Variants in ZDHHC9 observed in about 807,000 individuals in gnomAD.
The protein encoded by ZDHHC9 is palmitoyltransferase ZDHHC9.
In ZDHHC9, 3 loss-of-function variants were observed where a neutral mutation model predicts 26.6. The observed-to-expected ratio is 0.11, with a 90% CI of 0.05 to 0.29. The LOEUF (loss-of-function observed/expected upper bound fraction) is 0.29. ZDHHC9 is among the 10% of genes least tolerant of loss of function. ZDHHC9 has a pLI of 1.00. For missense variants in ZDHHC9, 146 were observed against 296.4 expected, an observed-to-expected ratio of 0.49 and a Z score of 3.73; for synonymous variants, 111 against 109.4, an observed-to-expected ratio of 1.01 and a Z score of -0.09.
At chrX:129,814,335 G>A (rs958794556) in intron 6 of ZDHHC9, among the ~76,000 whole-genome samples, 1 of 112,014 alleles carries the variant, frequency 8.9e-6, no homozygotes, top group Non-Finnish European at 1.9e-5. Context: ...GGCAGAAGAA[G>A]AGAGGATGCT....
At chrX:129,828,695 C>T (rs139051069) in intron 4 of ZDHHC9, among the ~76,000 whole-genome samples, 2,350 of 110,853 alleles carry the variant, frequency 0.021, 53 homozygotes, top group African/African-American at 0.063. Context: ...GACCACCTCC[C>T]CCAAAAAAGT....
intron 4 of ZDHHC9, among the ~76,000 whole-genome samples, chrX:129,825,013 C>G (rs1459189645): frequency 8.9e-6 from 1 of 111,847 alleles, no homozygotes; most frequent in Non-Finnish European, 1.9e-5. Context: ...TGGAAAAAAA[C>G]AGAATAGGGC....
chrX:129,824,085 TA>T (rs1161086038), intron 4 of ZDHHC9, among the ~76,000 whole-genome samples: 1 of 112,044 alleles, frequency 8.9e-6, no homozygotes, highest in Non-Finnish European at 1.9e-5. Flanking sequence ...AACATTCATT[TA>T]AAAAAATAGC....
chrX:129,819,842 CAT>C (rs1927842904), intron 5 of ZDHHC9, among the ~76,000 whole-genome samples: 2 of 110,508 alleles, frequency 1.8e-5, no homozygotes, highest in Admixed American at 1.9e-4. Context: ...ATTACAGGCA[CAT>C]GTCACCACGT....
Position 129,804,139 on chromosome X carries a change from G to A in ZDHHC9, c.*2231C>T, listed in dbSNP as rs1412064053. 2 of 111,864 alleles carry A rather than the reference G, an allele frequency of 1.8e-5. No homozygotes were observed. Among genetic ancestry groups the A allele is most frequent in the Non-Finnish European group, 3.8e-5 (2 of 53,172 alleles). 9.2% of individuals were successfully genotyped at this position (111,864 alleles called of 1,213,427 possible). A position where few individuals can be genotyped will look rare whatever the true frequency, so the allele number is the denominator to read the frequency against. ...GTCCTCAGGAGAACACTTGAGGTAA[G>A]GTGAGGGAGGAGAGAGAGCCATCTG... On this transcript the variant is annotated 3_prime_UTR_variant, in exon 11 of 11. Coordinates refer to ENST00000357166, the MANE Select transcript of ZDHHC9 (RefSeq NM_016032.4).
At chrX:129,812,338 G>T (rs2124102773) in intron 8 of ZDHHC9, among the ~76,000 whole-genome samples, 1 of 112,600 alleles carries the variant, frequency 8.9e-6, no homozygotes, top group South Asian at 3.6e-4. Flanking sequence ...GCCCGCCTCA[G>T]CCTCCCAAAG....
intron 4 of ZDHHC9, among the ~76,000 whole-genome samples, chrX:129,828,113 G>A (rs142146715): frequency 0.013 from 1,456 of 111,539 alleles, 23 homozygotes; most frequent in African/African-American, 0.042. Flanking sequence ...CACAGCGCCC[G>A]GCCTAAAGCA....
chrX:129,817,932 G>A (rs890546474), intron 5 of ZDHHC9, among the ~76,000 whole-genome samples: 2 of 111,560 alleles, frequency 1.8e-5, no homozygotes, highest in African/African-American at 3.3e-5. Context: ...GAACACTGGC[G>A]TACAAGTAGG....
intron 5 of ZDHHC9, among the ~76,000 whole-genome samples, chrX:129,817,278 C>T (rs1324089117): frequency 9.0e-6 from 1 of 110,692 alleles, no homozygotes; most frequent in Non-Finnish European, 1.9e-5. Flanking sequence ...TGGTGAAACC[C>T]CATCTCTACC....
At chrX:129,835,635 T>G (rs1382375558) in intron 3 of ZDHHC9, among the ~76,000 whole-genome samples, 1 of 108,956 alleles carries the variant, frequency 9.2e-6, no homozygotes, top group Non-Finnish European at 1.9e-5. Flanking sequence ...AATACAAAAT[T>G]AGCAAGGCGT....
Position 129,803,768 on chromosome X carries a change from C to A in ZDHHC9, c.*2602G>T, listed in dbSNP as rs918122797. On this transcript the variant is annotated 3_prime_UTR_variant, in exon 11 of 11. Transcript: ENST00000357166. ...GAGGTTTGGGATCAGTGCCAACCAT[C>A]CTGGCCTGGGAAAGTAGGGTGCATA... 9 of 111,975 alleles carry A rather than the reference C, an allele frequency of 8.0e-5. No individual in the cohort carries two copies. Among genetic ancestry groups the A allele is most frequent in the African/African-American group, 2.6e-4 (8 of 30,776 alleles). The allele number at this position is 111,975 out of a possible 1,213,427, so 9.2% of individuals were successfully genotyped here. A position where few individuals can be genotyped will look rare whatever the true frequency, so the allele number is the denominator to read the frequency against.
intron 5 of ZDHHC9, among the ~76,000 whole-genome samples, chrX:129,819,172 C>CAAA (rs10555509): frequency 6.9e-4 from 25 of 36,075 alleles, no homozygotes; most frequent in African/African-American, 2.0e-3. Context: ...GCCTCCGTCT[C>CAAA]AAAAAAAAAA....
intron 4 of ZDHHC9, among the ~76,000 whole-genome samples, chrX:129,825,046 T>C (rs895986565): frequency 3.6e-5 from 4 of 112,224 alleles, no homozygotes; most frequent in Admixed American, 9.4e-5. Flanking sequence ...CTCACGCCTG[T>C]AATCCCAGCA....
At chrX:129,809,208 C>A (rs1411252223) in intron 10 of ZDHHC9, among the ~76,000 whole-genome samples, 1 of 111,719 alleles carries the variant, frequency 9.0e-6, no homozygotes, top group Non-Finnish European at 1.9e-5. Flanking sequence ...CTATTTTACT[C>A]CCAGGTATAT....
At chrX:129,822,068 A>G (rs1927900520) in intron 5 of ZDHHC9, among the ~76,000 whole-genome samples, 1 of 111,831 alleles carries the variant, frequency 8.9e-6, no homozygotes, top group Non-Finnish European at 1.9e-5. Context: ...ATCCAGTACC[A>G]GAAATACCAT....
intron 8 of ZDHHC9, among the ~76,000 whole-genome samples, chrX:129,812,191 C>T (rs1006120786): frequency 2.1e-4 from 23 of 110,574 alleles, no homozygotes; most frequent in African/African-American, 6.9e-4. Context: ...TCAAGTGATT[C>T]TCCTGCCTCA....
Position 129,817,384 on chromosome X carries a change from G to A in ZDHHC9, c.488-2589C>T, listed in dbSNP as rs182884938. Among the ~76,000 whole-genome samples the A allele has an allele frequency of 3.9e-4, 43 of 110,020 alleles. No individual in the cohort carries two copies. In the East Asian group the frequency reaches 5.8e-3, roughly 15 times the overall value. On this transcript the variant is annotated intron_variant, in intron 5 of 10. Coordinates refer to ENST00000357166, the MANE Select transcript of ZDHHC9 (RefSeq NM_016032.4). ...GGGGGATCACTTGAGCTCGGGAGGCGGAGGTTGCAGTGAGCTGAGATCACG... is the reference window on the plus strand; with the variant it reads ...GGGGGATCACTTGAGCTCGGGAGGCAGAGGTTGCAGTGAGCTGAGATCACG...
At chrX:129,837,629 AAC>A (rs1037913180) in intron 3 of ZDHHC9, among the ~76,000 whole-genome samples, 8 of 112,344 alleles carry the variant, frequency 7.1e-5, no homozygotes, top group African/African-American at 2.6e-4. Flanking sequence ...AACCTGACAG[AAC>A]CTGGTCTGAC....
intron 6 of ZDHHC9, 100 bp downstream of exon 6, chrX:129,814,558 A>T: frequency 1.8e-6 from 2 of 1,129,320 alleles, no homozygotes; most frequent in Non-Finnish European, 2.4e-6. Flanking sequence ...AGTACCTTTC[A>T]CAATGGTACC....
Sources: gnomAD v4.1 joint callset for allele counts (sites outside exome capture counted in the v4.1 genomes callset) on GRCh38, gnomAD v4.1.1 for gene constraint, MANE v1.5 for transcripts, NCBI Gene and HGNC (gene_info 2026-07-23, HGNC 2026-07-21) for gene names.